The following PLD1 variants were observed in gnomAD, a reference collection of about 807,000 sequenced individuals.
PLD1 encodes choline phosphatase 1.
In PLD1, 112 loss-of-function variants were observed where a neutral mutation model predicts 137.1. The observed-to-expected ratio is 0.82, with a 90% CI of 0.70 to 0.96. The LOEUF is 0.96. Ranked by LOEUF, PLD1 falls within the 40% of genes least tolerant of loss-of-function variation. The probability of loss-of-function intolerance (pLI) is 0.00; values close to 1 mark genes in which losing one functional copy is unlikely to be tolerated. For synonymous variants in PLD1, 431 were observed against 454.7 expected (o/e 0.95, Z 0.66); for missense variants, 1,321 against 1,342.0 (o/e 0.98, Z 0.24).
chr3:171,684,547 T>A (rs1714353957), intron 16 of PLD1, among the ~76,000 whole-genome samples: 1 of 152,146 alleles, frequency 6.6e-6, no homozygotes, highest in African/African-American at 2.4e-5. Context: ...AATAAATATA[T>A]GTCTCCCCAT....
chr3:171,749,476 T>C (rs561823607), intron 1 of PLD1, among the ~76,000 whole-genome samples: 2 of 152,292 alleles, frequency 1.3e-5, no homozygotes, highest in East Asian at 3.9e-4. Flanking sequence ...AATGAAAAAC[T>C]GTACATAAAA....
chr3:171,808,409 G>C (rs191058642), intron 1 of PLD1, among the ~76,000 whole-genome samples: 1 of 152,144 alleles, frequency 6.6e-6, no homozygotes, highest in East Asian at 1.9e-4. Context: ...GGCAGCAGGC[G>C]CCTGTTTTCC....
chr3:171,669,665 T>C (rs1039436339), intron 19 of PLD1, among the ~76,000 whole-genome samples: 1 of 152,254 alleles, frequency 6.6e-6, no homozygotes, highest in African/African-American at 2.4e-5. Context: ...CCTCCGTAAG[T>C]GCTGGGATTA....
intron 11 of PLD1, 74 bp downstream of exon 11, chr3:171,708,681 G>C (rs1420600231): frequency 3.7e-6 from 3 of 806,810 alleles, no homozygotes; most frequent in South Asian, 3.0e-5. Flanking sequence ...TGTAATTCTT[G>C]AACAGCACTA....
chr3:171,613,685 A>G (rs1328816912), intron 24 of PLD1, among the ~76,000 whole-genome samples: 1 of 150,656 alleles, frequency 6.6e-6, no homozygotes, highest in East Asian at 1.9e-4. Context: ...GGTTCATTCA[A>G]GGAGTCCATT....
At chr3:171,748,328 T>C (rs1177019940) in intron 1 of PLD1, among the ~76,000 whole-genome samples, 2 of 152,222 alleles carry the variant, frequency 1.3e-5, no homozygotes, top group Non-Finnish European at 2.9e-5. Context: ...AGGTAGTTAA[T>C]ATTGCTAAAA....
intron 1 of PLD1, among the ~76,000 whole-genome samples, chr3:171,757,206 C>T (rs1448648094): frequency 6.6e-6 from 1 of 152,156 alleles, no homozygotes; most frequent in Non-Finnish European, 1.5e-5. Flanking sequence ...GAAGACTCTG[C>T]TCAGTGAGAT....
At chr3:171,749,573 G>A (rs896499549) in intron 1 of PLD1, among the ~76,000 whole-genome samples, 1 of 152,096 alleles carries the variant, frequency 6.6e-6, no homozygotes, top group East Asian at 1.9e-4. Context: ...TACATATTCT[G>A]GAATATATAT....
chr3:171,742,889 A>G (rs185212762), intron 1 of PLD1, among the ~76,000 whole-genome samples: 2 of 152,350 alleles, frequency 1.3e-5, no homozygotes, highest in Admixed American at 1.3e-4. Context: ...CAGACTATAT[A>G]TTTTGAGAAA....
chr3:171,701,651 AT>A (rs1419092020), intron 11 of PLD1, among the ~76,000 whole-genome samples: 1 of 152,246 alleles, frequency 6.6e-6, no homozygotes, highest in Non-Finnish European at 1.5e-5. Flanking sequence ...AGAAAAAAAG[AT>A]TTTGTTATAT....
At chr3:171,794,823 G>A (rs1723364299) in intron 1 of PLD1, among the ~76,000 whole-genome samples, 1 of 152,040 alleles carries the variant, frequency 6.6e-6, no homozygotes, top group Non-Finnish European at 1.5e-5. Flanking sequence ...TTCATCAATT[G>A]TAACCATGAC....
Position 171,793,464 on chromosome 3 carries a change from T to C in PLD1, c.-32+16935A>G, listed in dbSNP as rs546300499. ...TAATGTCTATTGTCTTGAGGTTACT[T>C]ATGCCTATTTTATGTGTAGTGCAGT... On this transcript the variant is annotated intron_variant, in intron 1 of 26. Transcript: ENST00000351298. 6 of 152,344 alleles carry C rather than the reference T, an allele frequency of 3.9e-5. No individual in the cohort carries two copies. The East Asian group carries it at 1.2e-3, about 29-fold the overall frequency. The allele number at this position is 152,344 out of a possible 1,614,324, so 9.4% of individuals were successfully genotyped here.
intron 6 of PLD1, among the ~76,000 whole-genome samples, chr3:171,732,548 T>C (rs1352440633): frequency 6.6e-6 from 1 of 152,236 alleles, no homozygotes; most frequent in African/African-American, 2.4e-5. Flanking sequence ...CAAATGCTCT[T>C]GCATCCTCTC....
chr3:171,688,886 G>C lies in PLD1; in HGVS notation c.1339-10C>G. ...CCGGGTGTCTCATCACCTTGAGAGG[G>C]AATAATCCCCACTGATAATATGCTT... On this transcript the variant is annotated splice_polypyrimidine_tract_variant and intron_variant, in intron 13 of 26. Coordinates refer to ENST00000351298, the MANE Select transcript of PLD1 (RefSeq NM_002662.5). 1.9e-6 allele frequency: 3 copies of C among 1,600,084 alleles called. No homozygotes were observed. The highest frequency in any genetic ancestry group is 2.6e-6 in the Non-Finnish European group (3 of 1,167,658).
At chr3:171,729,580 G>T (rs1205934908) in intron 6 of PLD1, among the ~76,000 whole-genome samples, 4 of 152,122 alleles carry the variant, frequency 2.6e-5, no homozygotes, top group African/African-American at 9.7e-5. Flanking sequence ...TACAAGGAAG[G>T]TAAGAGCATT....
chr3:171,639,537 A>G (rs1425363497), intron 23 of PLD1, among the ~76,000 whole-genome samples: 26 of 85,262 alleles, frequency 3.0e-4, no homozygotes, highest in African/African-American at 1.7e-3. Context: ...AATATATATT[A>G]TATAAATATA....
intron 23 of PLD1, among the ~76,000 whole-genome samples, chr3:171,639,816 T>A (rs1735572658): frequency 8.1e-6 from 1 of 124,118 alleles, no homozygotes. Flanking sequence ...TATATTTACA[T>A]AATTTCTCTC....
intron 13 of PLD1, 76 bp downstream of exon 13, chr3:171,692,256 G>A: frequency 1.4e-6 from 1 of 732,574 alleles, no homozygotes; most frequent in South Asian, 1.6e-5. Flanking sequence ...GATTATTACT[G>A]CCCAGAACAA....
intron 9 of PLD1, among the ~76,000 whole-genome samples, chr3:171,710,872 C>CTTTATTT (rs1717145871): frequency 1.0e-5 from 1 of 98,614 alleles, no homozygotes; most frequent in African/African-American, 4.7e-5. Flanking sequence ...GAAAACTGTT[C>CTTTATTT]TTTTTTTTTT....
Sources: allele counts gnomAD v4.1 joint callset (sites outside exome capture counted in the v4.1 genomes callset), GRCh38; gene constraint gnomAD v4.1.1; transcripts MANE v1.5; gene names NCBI Gene and HGNC (gene_info 2026-07-23, HGNC 2026-07-21).